Variants in FKBP5 observed in about 807,000 individuals in gnomAD.
The protein encoded by FKBP5 is peptidyl-prolyl cis-trans isomerase FKBP5.
A neutral mutation model predicts 50.5 loss-of-function variants in FKBP5; 23 were observed. The ratio of observed to expected loss-of-function variants is 0.46; its 90% CI spans 0.33 to 0.65. FKBP5 has a LOEUF of 0.65. Ranked by LOEUF, FKBP5 falls within the 30% of genes least tolerant of loss-of-function variation. FKBP5 has a pLI of 0.02. For synonymous variants in FKBP5, 176 were observed against 190.6 expected, an observed-to-expected ratio of 0.92 and a Z score of 0.63; for missense variants, 411 against 553.1, an observed-to-expected ratio of 0.74 and a Z score of 2.58.
intron 6 of FKBP5, among the ~76,000 whole-genome samples, chr6:35,596,531 AG>A: frequency 6.6e-6 from 1 of 152,250 alleles, no homozygotes; most frequent in Non-Finnish European, 1.5e-5. Context: ...ATGGAGCCGG[AG>A]GGAGGATACA....
At chr6:35,592,936 A>G (rs919579768) in intron 6 of FKBP5, among the ~76,000 whole-genome samples, 4 of 152,198 alleles carry the variant, frequency 2.6e-5, no homozygotes, top group African/African-American at 9.6e-5. Context: ...CCTGTGGGGA[A>G]TGTGGGGCTG....
At chr6:35,592,724 G>A (rs189262487) in intron 6 of FKBP5, among the ~76,000 whole-genome samples, 1 of 152,314 alleles carries the variant, frequency 6.6e-6, no homozygotes, top group Admixed American at 6.5e-5. Context: ...CAACCAGGTT[G>A]ATTTTAACTC....
intron 8 of FKBP5, 101 bp from the exon 9 acceptor site, chr6:35,580,322 C>T: frequency 1.1e-6 from 1 of 901,538 alleles, no homozygotes; most frequent in Non-Finnish European, 1.7e-6. Context: ...AACCCTGGTA[C>T]AGCTGGTTTC....
At chr6:35,649,476 G>A (rs532207732) in intron 1 of FKBP5, among the ~76,000 whole-genome samples, 127 of 151,560 alleles carry the variant, frequency 8.4e-4, no homozygotes, top group African/African-American at 2.2e-3. Flanking sequence ...CCTTCTGGGA[G>A]GTGGCATTTT....
At chr6:35,632,666 G>A (rs1764194892) in intron 3 of FKBP5, among the ~76,000 whole-genome samples, 1 of 151,972 alleles carries the variant, frequency 6.6e-6, no homozygotes, top group South Asian at 2.1e-4. Context: ...AAAACGGGTG[G>A]ATCACCTGAG....
At chr6:35,691,388 G>A (rs1765984238), upstream of FKBP5, among the ~76,000 whole-genome samples, 1 of 152,162 alleles carries the variant, frequency 6.6e-6, no homozygotes, top group South Asian at 2.1e-4. Flanking sequence ...ATGCAGACCT[G>A]GAAAAGCCTA....
At chr6:35,584,523 G>A (rs1308616381) in intron 8 of FKBP5, 1 of 985,368 alleles carries the variant, frequency 1.0e-6, no homozygotes, top group Admixed American at 6.1e-5. Flanking sequence ...GGCCCGGGAG[G>A]GCAGTATGGC....
At chr6:35,586,204 T>C (rs1762592663) in intron 8 of FKBP5, 1 of 984,944 alleles carries the variant, frequency 1.0e-6, no homozygotes, top group East Asian at 1.1e-4. Flanking sequence ...TAAAACAGAA[T>C]GAAGGGCGGT....
intron 1 of FKBP5, 34 bp from the exon 2 acceptor site, chr6:35,642,877 A>G (rs1764535127): frequency 2.0e-6 from 3 of 1,479,894 alleles, no homozygotes; most frequent in South Asian, 1.1e-5. Flanking sequence ...GCTGGGAAAA[A>G]TATCACTTCT....
intron 1 of FKBP5, among the ~76,000 whole-genome samples, chr6:35,648,476 A>G (rs1168785739): frequency 6.6e-6 from 1 of 151,162 alleles, no homozygotes; most frequent in Middle Eastern, 3.2e-3. Flanking sequence ...GGGTCTCACT[A>G]TGTTGCCCAG....
intron 1 of FKBP5, among the ~76,000 whole-genome samples, chr6:35,666,609 G>A (rs980997660): frequency 1.3e-5 from 2 of 152,028 alleles, no homozygotes; most frequent in East Asian, 3.8e-4. Context: ...TGTATATGAA[G>A]GCTGGGCACG....
At chr6:35,677,044 T>A (rs1399897074) in intron 1 of FKBP5, among the ~76,000 whole-genome samples, 1 of 152,194 alleles carries the variant, frequency 6.6e-6, no homozygotes, top group Non-Finnish European at 1.5e-5. Context: ...TCACGTCATT[T>A]TCAGCGAAGG....
At chr6:35,617,890 C>T (rs967674265) in intron 5 of FKBP5, among the ~76,000 whole-genome samples, 5 of 152,200 alleles carry the variant, frequency 3.3e-5, no homozygotes, top group Admixed American at 6.5e-5. Context: ...CCTACTCCCA[C>T]TTAGCAAATG....
chr6:35,698,375 C>T (rs1385881726), intron 2 of FKBP5, among the ~76,000 whole-genome samples: 1 of 151,138 alleles, frequency 6.6e-6, no homozygotes, highest in Non-Finnish European at 1.5e-5. Context: ...AGGCCGGGCG[C>T]GGTGGCTCAC....
At chr6:35,681,596 A>G (rs1288999516) in intron 1 of FKBP5, among the ~76,000 whole-genome samples, 2 of 152,144 alleles carry the variant, frequency 1.3e-5, no homozygotes, top group Non-Finnish European at 2.9e-5. Flanking sequence ...CTATGTTGCT[A>G]TGTGAATCAG....
Position 35,575,508 on chromosome 6 carries a change from G to C in FKBP5, c.*327C>G, listed in dbSNP as rs991654661. ...AGGTAAAACCTAACAGCCCCACATT[G>C]TTAGGATGATCTCCAGGGACCCTGA... is the stretch of plus-strand genomic sequence containing the variant. On this transcript the variant is annotated 3_prime_UTR_variant, in exon 11 of 11. Coordinates refer to ENST00000357266, the MANE Select transcript of FKBP5 (RefSeq NM_004117.4). The C allele has an allele frequency of 7.7e-6, 2 of 261,436 alleles. No individual in the cohort carries two copies. Among genetic ancestry groups the C allele is most frequent in the Non-Finnish European group, 1.5e-5 (2 of 134,190 alleles). 16.2% of individuals were successfully genotyped at this position (261,436 alleles called of 1,614,324 possible).
At chr6:35,683,326 AT>A (rs1284970367) in intron 1 of FKBP5, among the ~76,000 whole-genome samples, 1 of 151,642 alleles carries the variant, frequency 6.6e-6, no homozygotes, top group Admixed American at 6.6e-5. Context: ...AGAACTTTAT[AT>A]TTTTTGTAGA....
chr6:35,680,671 G>A (rs553860456), intron 1 of FKBP5, among the ~76,000 whole-genome samples: 1 of 152,314 alleles, frequency 6.6e-6, no homozygotes, highest in Non-Finnish European at 1.5e-5. Context: ...ATCAAGAATA[G>A]TTTAGTTTAC....
At chr6:35,727,510 C>A (rs1766739694) in intron 1 of FKBP5, among the ~76,000 whole-genome samples, 1 of 152,214 alleles carries the variant, frequency 6.6e-6, no homozygotes, top group African/African-American at 2.4e-5. Context: ...CCAGGGATTT[C>A]CCAAACCGTC....
Sources: gnomAD v4.1 joint callset for allele counts (sites outside exome capture counted in the v4.1 genomes callset) on GRCh38, gnomAD v4.1.1 for gene constraint, MANE v1.5 for transcripts, NCBI Gene and HGNC (gene_info 2026-07-23, HGNC 2026-07-21) for gene names.